FRMD6: variants seen among roughly 807,000 people sequenced by gnomAD.
FRMD6 encodes FERM domain-containing protein 6.
Under a neutral mutation model 73.2 loss-of-function variants are expected in FRMD6, and 37 were observed. That is an observed-to-expected ratio of 0.51 (90% CI 0.39 to 0.66). The LOEUF (loss-of-function observed/expected upper bound fraction) is 0.66. Ranked by LOEUF, FRMD6 falls within the 30% of genes least tolerant of loss-of-function variation. FRMD6 has a pLI of 0.00. For synonymous variants in FRMD6, 273 were observed against 282.2 expected (o/e 0.97, Z 0.33); for missense variants, 714 against 780.5 (o/e 0.91, Z 1.02).
At chr14:51,451,469 G>A in the FRMD6 span, among the ~76,000 whole-genome samples, 1 of 152,180 alleles carries the variant, frequency 6.6e-6, no homozygotes, top group Non-Finnish European at 1.5e-5. Flanking sequence ...CACCTCTTGG[G>A]TTCAATTGAT....
intron 2 of FRMD6, among the ~76,000 whole-genome samples, chr14:51,597,519 G>A (rs1439924284): frequency 5.3e-5 from 8 of 152,132 alleles, no homozygotes; most frequent in Non-Finnish European, 1.2e-4. Context: ...CAGCACGTTT[G>A]GCTGGAATGC....
At chr14:51,492,226 G>A (rs1312970348) in intron 1 of FRMD6, among the ~76,000 whole-genome samples, 3 of 152,020 alleles carry the variant, frequency 2.0e-5, no homozygotes, top group Non-Finnish European at 2.9e-5. Context: ...CTCCTCTTGG[G>A]ATGGACTCCT....
intron 1 of FRMD6, among the ~76,000 whole-genome samples, chr14:51,546,400 T>C (rs1320173364): frequency 2.2e-5 from 3 of 138,546 alleles, no homozygotes; most frequent in African/African-American, 8.4e-5. Context: ...GAAACTCTTT[T>C]TTTTTTCTTT....
At chr14:51,478,159 T>C in the FRMD6 span, among the ~76,000 whole-genome samples, 1 of 152,248 alleles carries the variant, frequency 6.6e-6, no homozygotes, top group Non-Finnish European at 1.5e-5. Context: ...ACAGCATGCT[T>C]TTCAAGCCAG....
intron 1 of FRMD6, among the ~76,000 whole-genome samples, chr14:51,534,405 T>C (rs1488569496): frequency 6.6e-6 from 1 of 152,246 alleles, no homozygotes; most frequent in Non-Finnish European, 1.5e-5. Context: ...TTATGATGGT[T>C]GATTTTTTTA....
chr14:51,561,517 G>T (rs1208790345), intron 1 of FRMD6, among the ~76,000 whole-genome samples: 1 of 152,194 alleles, frequency 6.6e-6, no homozygotes, highest in South Asian at 2.1e-4. Flanking sequence ...CTGAAGCTGT[G>T]AATCACGCAT....
intron 1 of FRMD6, among the ~76,000 whole-genome samples, chr14:51,683,250 C>T (rs1180817615): frequency 6.6e-6 from 1 of 152,072 alleles, no homozygotes; most frequent in East Asian, 1.9e-4. Context: ...TTCTCATGAC[C>T]TGGCAACTCA....
chr14:51,456,208 T>C, the FRMD6 span, among the ~76,000 whole-genome samples: 2 of 152,212 alleles, frequency 1.3e-5, no homozygotes, highest in Non-Finnish European at 2.9e-5. Context: ...ACTTGCAACA[T>C]TGTTACATAG....
At chr14:51,534,056 G>A (rs1378919866) in intron 1 of FRMD6, among the ~76,000 whole-genome samples, 1 of 152,226 alleles carries the variant, frequency 6.6e-6, no homozygotes, top group Non-Finnish European at 1.5e-5. Flanking sequence ...ATGTGCCTGG[G>A]CAGCTCTGCC....
At chr14:51,405,459 G>GT in the FRMD6 span, among the ~76,000 whole-genome samples, 1 of 152,000 alleles carries the variant, frequency 6.6e-6, no homozygotes. Flanking sequence ...TCCAGCATCT[G>GT]TAAGTTCACC....
the FRMD6 span, among the ~76,000 whole-genome samples, chr14:51,468,922 GTTTTT>G: frequency 6.6e-6 from 1 of 151,958 alleles, no homozygotes; most frequent in African/African-American, 2.4e-5. Context: ...ATTACATTTG[GTTTTT>G]TTGTTTGTTT....
chr14:51,535,934 T>C (rs982218006), intron 1 of FRMD6, among the ~76,000 whole-genome samples: 3 of 151,956 alleles, frequency 2.0e-5, no homozygotes, highest in African/African-American at 4.8e-5. Flanking sequence ...TTGTGAATAA[T>C]GATGTTGATC....
chr14:51,695,078 G>A (rs979496120), intron 2 of FRMD6, among the ~76,000 whole-genome samples: 5 of 149,860 alleles, frequency 3.3e-5, no homozygotes, highest in African/African-American at 5.1e-5. Flanking sequence ...ACAGTCACAC[G>A]AGCCTAAAAC....
At chr14:51,429,797 C>G in the FRMD6 span, among the ~76,000 whole-genome samples, 1 of 152,118 alleles carries the variant, frequency 6.6e-6, no homozygotes, top group Non-Finnish European at 1.5e-5. Context: ...TCTCTCAGTT[C>G]CCTTTCACTT....
At chr14:51,520,675 G>A (rs1322215635) in intron 1 of FRMD6, among the ~76,000 whole-genome samples, 1 of 152,144 alleles carries the variant, frequency 6.6e-6, no homozygotes, top group Non-Finnish European at 1.5e-5. Context: ...AGGCAGGTGG[G>A]TCCCTTGAGC....
chr14:51,668,108 A>T (rs1482137491), intron 1 of FRMD6, among the ~76,000 whole-genome samples: 3 of 152,212 alleles, frequency 2.0e-5, no homozygotes, highest in Non-Finnish European at 4.4e-5. Context: ...GGAAATTTTT[A>T]ATCAGTATAT....
chr14:51,486,043 T>TA (rs1555369111), upstream of FRMD6, among the ~76,000 whole-genome samples: 1 of 150,714 alleles, frequency 6.6e-6, no homozygotes, highest in Admixed American at 6.6e-5. Context: ...TTTTTTTTTT[T>TA]AATTGTTTTG....
the FRMD6 span, among the ~76,000 whole-genome samples, chr14:51,426,736 G>T: frequency 6.6e-6 from 1 of 152,194 alleles, no homozygotes. Flanking sequence ...TTCTCAGAGA[G>T]GGCTCACCTA....
At chr14:51,507,924 G>C (rs1004183454) in intron 1 of FRMD6, among the ~76,000 whole-genome samples, 3 of 152,188 alleles carry the variant, frequency 2.0e-5, no homozygotes, top group African/African-American at 7.2e-5. Flanking sequence ...TGGTGCTGGA[G>C]AACAGGGATG....
Sources: gnomAD v4.1 joint callset for allele counts (sites outside exome capture counted in the v4.1 genomes callset) on GRCh38, gnomAD v4.1.1 for gene constraint, MANE v1.5 for transcripts, NCBI Gene and HGNC (gene_info 2026-07-23, HGNC 2026-07-21) for gene names.